The following RNF212B variants were observed in gnomAD, a reference collection of about 807,000 sequenced individuals.
RNF212B encodes E3 ubiquitin-protein ligase RNF212B.
A neutral mutation model predicts 55.5 loss-of-function variants in RNF212B; 52 were observed. The observed-to-expected ratio is 0.94, with a 90% confidence interval of 0.75 to 1.18. The LOEUF is 1.18. Among genes scored for constraint, RNF212B ranks in the 50% most tolerant of loss-of-function variants. RNF212B has a pLI of 0.00. For missense variants in RNF212B, 289 were observed against 350.4 expected (o/e 0.82, Z 1.40); for synonymous variants, 99 against 121.4 (o/e 0.82, Z 1.21).
intron 6 of RNF212B, 56 bp downstream of exon 6, chr14:23,260,000 C>G (rs1423807368): frequency 1.2e-6 from 1 of 847,678 alleles, no homozygotes; most frequent in Non-Finnish European, 1.8e-6. Flanking sequence ...TCTCATCTAT[C>G]TAGCTGACTG....
intron 4 of RNF212B, among the ~76,000 whole-genome samples, chr14:23,249,431 G>T (rs1366602482): frequency 6.6e-6 from 1 of 152,186 alleles, no homozygotes; most frequent in Non-Finnish European, 1.5e-5. Context: ...CTGTAGTCCA[G>T]CTACTCAGGA....
At chr14:23,236,681 G>A (rs961955768), upstream of RNF212B, among the ~76,000 whole-genome samples, 27 of 151,888 alleles carry the variant, frequency 1.8e-4, no homozygotes, top group African/African-American at 6.3e-4. Flanking sequence ...GTAAATATTG[G>A]TAGATGCAAT....
At chr14:23,253,180 T>C (rs1484282148) in intron 4 of RNF212B, among the ~76,000 whole-genome samples, 1 of 152,212 alleles carries the variant, frequency 6.6e-6, no homozygotes, top group Admixed American at 6.5e-5. Flanking sequence ...TTCTTAAATA[T>C]AACCACATCA....
chr14:23,258,744 A>G, intron 5 of RNF212B, 80 bp downstream of exon 5: 4 of 591,532 alleles, frequency 6.8e-6, no homozygotes, highest in Non-Finnish European at 1.1e-5. Context: ...TGTGTTTGCA[A>G]AGCCTGGAAA....
chr14:23,238,316 T>C (rs1310762862), intron 1 of RNF212B, among the ~76,000 whole-genome samples: 1 of 152,090 alleles, frequency 6.6e-6, no homozygotes, highest in East Asian at 1.9e-4. Flanking sequence ...ATCGAACAAA[T>C]AGGACAACGA....
In RNF212B at chr14:23,210,559, C is replaced by T. The variant is rs574010680; in HGVS notation, c.-2+17158C>T. Among the ~76,000 whole-genome samples, 46 of 151,962 alleles carry T rather than the reference C, an allele frequency of 3.0e-4. 1 individual carries two copies. The highest frequency in any genetic ancestry group is 8.4e-4 in the African/African-American group (35 of 41,476). ...TTGGGAGGCTGAGGCGGGTGGATCACGAGGTCAGGAGTTTGAGACCAGTCT... is the reference window on the plus strand; with the variant it reads ...TTGGGAGGCTGAGGCGGGTGGATCATGAGGTCAGGAGTTTGAGACCAGTCT... On this transcript the variant is annotated intron_variant, in intron 2 of 15. Transcript: ENST00000399910.
intron 1 of RNF212B, among the ~76,000 whole-genome samples, chr14:23,193,091 T>TAAA (rs3045528): frequency 8.8e-6 from 1 of 113,108 alleles, no homozygotes; most frequent in Non-Finnish European, 1.8e-5. Flanking sequence ...AAACTCTGTC[T>TAAA]AAAAAAAAAA....
chr14:23,212,607 GCT>G (rs1880636347), intron 2 of RNF212B, among the ~76,000 whole-genome samples: 1 of 151,008 alleles, frequency 6.6e-6, no homozygotes, highest in Non-Finnish European at 1.5e-5. Flanking sequence ...ACAGAGTCTC[GCT>G]CTGTCGCCCA....
chr14:23,248,284 C>T (rs1222195566), intron 4 of RNF212B, among the ~76,000 whole-genome samples: 1 of 151,336 alleles, frequency 6.6e-6, no homozygotes, highest in African/African-American at 2.4e-5. Flanking sequence ...CATGTCACCA[C>T]ACCTGGCTAG....
intron 2 of RNF212B, among the ~76,000 whole-genome samples, chr14:23,225,166 C>A (rs1011649485): frequency 6.6e-6 from 1 of 151,820 alleles, no homozygotes; most frequent in Non-Finnish European, 1.5e-5. Context: ...CAAGTGCTGG[C>A]GAGGATGTGG....
chr14:23,265,076 C>A (rs1466231463), intron 11 of RNF212B, among the ~76,000 whole-genome samples: 2 of 152,208 alleles, frequency 1.3e-5, no homozygotes, highest in African/African-American at 4.8e-5. Context: ...CTTCCTCGGC[C>A]TCCCAAAGTG....
chr14:23,229,646 G>T (rs1170564360), intron 2 of RNF212B, among the ~76,000 whole-genome samples: 1 of 152,056 alleles, frequency 6.6e-6, no homozygotes, highest in Admixed American at 6.6e-5. Context: ...ATTATATTGA[G>T]AATCTTTTCA....
intron 14 of RNF212B, among the ~76,000 whole-genome samples, chr14:23,271,881 T>C (rs1886111498): frequency 6.6e-6 from 1 of 152,204 alleles, no homozygotes; most frequent in African/African-American, 2.4e-5. Flanking sequence ...ATTAAATAAT[T>C]GTTAACATTG....
intron 1 of RNF212B, among the ~76,000 whole-genome samples, chr14:23,187,254 A>G (rs1877687995): frequency 6.6e-6 from 1 of 152,222 alleles, no homozygotes; most frequent in African/African-American, 2.4e-5. Flanking sequence ...GCTGACACCT[A>G]CTGGACAGAA....
chr14:23,198,847 G>T (rs1594863568), intron 2 of RNF212B, among the ~76,000 whole-genome samples: 2 of 152,148 alleles, frequency 1.3e-5, no homozygotes, highest in East Asian at 3.8e-4. Context: ...ATCAGAAAGA[G>T]AAGTAACATA....
At position 23,272,878 on chromosome 14, in the gene RNF212B, C is replaced by G; in HGVS notation, c.890C>G (p.Thr297Ser). 6.5e-7 allele frequency: 1 copy of G among 1,541,242 alleles called. No homozygotes were observed. Among genetic ancestry groups the G allele is most frequent in the Non-Finnish European group, 8.8e-7 (1 of 1,139,692 alleles). The stretch of plus-strand genomic sequence containing the variant: ...TTACCCAGTGGGAGAGAAGCATGGA[C>G]CACTTCTAGATAGATCATCTTCAAG... The part of the protein sequence containing the change: ...MGLPSGREAW[T>S]TSR Residue 297 changes from threonine (T) to serine (S), a missense_variant, in exon 15 of 15, where the codon ACC becomes AGC. Physicochemically the swap from Thr to Ser is moderately conservative, Grantham distance 58 (BLOSUM62 1). Coordinates refer to ENST00000430154, the MANE Select transcript of RNF212B (RefSeq NM_001282322.3).
rs577705379 is a variant in RNF212B, at chr14:23,241,849, C to T, written c.100+1404C>T. The stretch of plus-strand genomic sequence containing the variant: ...CTGTAATCCCAGCACTTTGGGAGGC[C>T]GAGGCGGGTGGATCACAAGGTCGGG... On this transcript the variant is annotated intron_variant, in intron 2 of 14. Transcript: ENST00000430154. Among the ~76,000 whole-genome samples the T allele has an allele frequency of 7.3e-5, 11 of 151,412 alleles. No homozygotes were observed. In the East Asian group the frequency reaches 7.9e-4, roughly 11 times the overall value.
chr14:23,240,373 T>G lies in RNF212B; in HGVS notation c.28T>G (p.Phe10Val). 1 of 1,550,466 alleles carries G rather than the reference T, an allele frequency of 6.4e-7. No individual in the cohort carries two copies. The highest frequency in any genetic ancestry group is 8.7e-7 in the Non-Finnish European group (1 of 1,146,874). Residue 10 changes from phenylalanine (F) to valine (V), a missense_variant, in exon 2 of 15, where the codon TTC becomes GTC. Transcript: ENST00000430154. ...GGATTGGTTTCATTGCAACCAGTGC[T>G]TCCGAAAAGATGGGGCCCATTTCTT... MDWFHCNQC[F>V]RKDGAHFFVT... is the part of the protein sequence containing the mutation.
At chr14:23,254,018 C>A (rs1242431213) in intron 4 of RNF212B, among the ~76,000 whole-genome samples, 1 of 152,160 alleles carries the variant, frequency 6.6e-6, no homozygotes, top group Non-Finnish European at 1.5e-5. Context: ...GTGGCTCATT[C>A]CTGTAATCCC....
Sources: gnomAD v4.1 joint callset for allele counts (sites outside exome capture counted in the v4.1 genomes callset) on GRCh38, gnomAD v4.1.1 for gene constraint, MANE v1.5 for transcripts, NCBI Gene and HGNC (gene_info 2026-07-23, HGNC 2026-07-21) for gene names.